The following PDE4B variants were observed in gnomAD, a reference collection of about 807,000 sequenced individuals.
PDE4B encodes 3',5'-cyclic-AMP phosphodiesterase 4B.
PDE4B carries 20 observed loss-of-function variants against 82.2 expected under a neutral mutation model. That is an observed-to-expected ratio of 0.24 (90% CI 0.17 to 0.35). The LOEUF is 0.35. Ranked by LOEUF, PDE4B falls within the 10% of genes least tolerant of loss-of-function variation. The pLI, the probability that PDE4B is intolerant of heterozygous loss-of-function variation, is 1.00. For synonymous variants in PDE4B, 320 were observed against 318.9 expected, an observed-to-expected ratio of 1.00 and a Z score of -0.04; for missense variants, 655 against 907.2, an observed-to-expected ratio of 0.72 and a Z score of 3.57.
chr1:66,270,781 AAAAGAAAAAGG>A (rs1655419856), intron 7 of PDE4B, among the ~76,000 whole-genome samples: 1 of 152,260 alleles, frequency 6.6e-6, no homozygotes, highest in Admixed American at 6.5e-5. Flanking sequence ...ATTATAAGAA[AAAAGAAAAAGG>A]AAAGAAAAGA....
intron 3 of PDE4B, among the ~76,000 whole-genome samples, chr1:66,246,567 A>T (rs1201709157): frequency 6.6e-6 from 1 of 152,188 alleles, no homozygotes; most frequent in Non-Finnish European, 1.5e-5. Flanking sequence ...TGCAGGAAAA[A>T]ATGCATATGT....
chr1:65,958,702 C>T (rs1371611290), intron 3 of PDE4B, among the ~76,000 whole-genome samples: 1 of 151,766 alleles, frequency 6.6e-6, no homozygotes, highest in Non-Finnish European at 1.5e-5. Flanking sequence ...TCCATTTTGA[C>T]TAAGTTTTTT....
At chr1:66,257,924 A>G (rs1023999519) in intron 6 of PDE4B, 61 bp downstream of exon 6, 1 of 1,102,280 alleles carries the variant, frequency 9.1e-7, no homozygotes, top group Non-Finnish European at 1.4e-6. Context: ...AATATTGAGC[A>G]GCATTTAAAA....
chr1:66,308,934 A>G (rs1310405986), intron 7 of PDE4B, among the ~76,000 whole-genome samples: 1 of 152,202 alleles, frequency 6.6e-6, no homozygotes, highest in Non-Finnish European at 1.5e-5. Flanking sequence ...CTATAGTACT[A>G]CAAACAGCCT....
chr1:66,107,352 T>G (rs1645386033), intron 3 of PDE4B, among the ~76,000 whole-genome samples: 1 of 152,042 alleles, frequency 6.6e-6, no homozygotes, highest in East Asian at 1.9e-4. Flanking sequence ...AGTGCACACC[T>G]GAATTGAGAA....
chr1:66,098,137 A>G (rs574260641), intron 3 of PDE4B, among the ~76,000 whole-genome samples: 2 of 152,218 alleles, frequency 1.3e-5, no homozygotes, highest in Non-Finnish European at 2.9e-5. Context: ...TTTCTTCAGC[A>G]TTGGGTAGTT....
At chr1:65,821,783 G>C (rs1230420773) in intron 1 of PDE4B, among the ~76,000 whole-genome samples, 1 of 152,166 alleles carries the variant, frequency 6.6e-6, no homozygotes, top group Non-Finnish European at 1.5e-5. Context: ...AGAATCAACT[G>C]TAGAGTCTTT....
intron 4 of PDE4B, among the ~76,000 whole-genome samples, chr1:66,255,312 T>C (rs1483686931): frequency 1.3e-5 from 2 of 152,116 alleles, no homozygotes; most frequent in Non-Finnish European, 1.5e-5. Flanking sequence ...GGTCTCAAAC[T>C]CCCAACCTCA....
intron 1 of PDE4B, among the ~76,000 whole-genome samples, chr1:65,820,111 A>G (rs941515824): frequency 6.6e-6 from 1 of 152,220 alleles, no homozygotes; most frequent in African/African-American, 2.4e-5. Flanking sequence ...AACAGTATAT[A>G]TCTTTCAGAG....
chr1:66,104,846 G>A (rs1233037929), intron 3 of PDE4B, among the ~76,000 whole-genome samples: 8 of 147,120 alleles, frequency 5.4e-5, no homozygotes, highest in Non-Finnish European at 7.5e-5. Context: ...TTAGCCCTTT[G>A]TCAGATGAGT....
intron 3 of PDE4B, among the ~76,000 whole-genome samples, chr1:66,149,430 A>C (rs1646347301): frequency 6.6e-6 from 1 of 152,212 alleles, no homozygotes; most frequent in African/African-American, 2.4e-5. Context: ...CCTTGATATT[A>C]TCATTTGTAG....
chr1:65,924,421 TA>T (rs747545314), intron 3 of PDE4B, among the ~76,000 whole-genome samples: 3 of 152,168 alleles, frequency 2.0e-5, no homozygotes, highest in Non-Finnish European at 4.4e-5. Context: ...AAACCTATTA[TA>T]TTTTTTTAAT....
At chr1:66,090,751 G>A (rs924169871) in intron 3 of PDE4B, among the ~76,000 whole-genome samples, 1 of 105,516 alleles carries the variant, frequency 9.5e-6, no homozygotes, top group Non-Finnish European at 2.0e-5. Flanking sequence ...ACATATATAT[G>A]TATGTATACA....
At chr1:66,244,162 A>G (rs531769954) in intron 3 of PDE4B, among the ~76,000 whole-genome samples, 5 of 152,374 alleles carry the variant, frequency 3.3e-5, no homozygotes, top group Admixed American at 6.5e-5. Flanking sequence ...GAAGCAGCTC[A>G]TGGAAAATGC....
chr1:66,096,991 T>G (rs775700282), intron 3 of PDE4B, among the ~76,000 whole-genome samples: 26 of 152,034 alleles, frequency 1.7e-4, no homozygotes, highest in Non-Finnish European at 3.1e-4. Flanking sequence ...ATAATTTATT[T>G]ATGTACTTCT....
intron 3 of PDE4B, among the ~76,000 whole-genome samples, chr1:65,963,292 G>A (rs1007890516): frequency 6.6e-6 from 1 of 152,142 alleles, no homozygotes; most frequent in Non-Finnish European, 1.5e-5. Context: ...CAGGCAGTGG[G>A]AGGCCTGCCT....
intron 1 of PDE4B, among the ~76,000 whole-genome samples, chr1:65,808,588 C>T (rs1460520829): frequency 6.6e-6 from 1 of 152,184 alleles, no homozygotes; most frequent in African/African-American, 2.4e-5. Flanking sequence ...GGGCTGAGAT[C>T]ACACTGTGAA....
chr1:65,982,354 A>G (rs1650733039), intron 3 of PDE4B, among the ~76,000 whole-genome samples: 1 of 152,214 alleles, frequency 6.6e-6, no homozygotes, highest in African/African-American at 2.4e-5. Flanking sequence ...TACTGTTTAT[A>G]GTAAACTGTG....
At chr1:66,024,314 T>A (rs1320166098) in intron 3 of PDE4B, among the ~76,000 whole-genome samples, 4 of 152,156 alleles carry the variant, frequency 2.6e-5, no homozygotes, top group Admixed American at 1.3e-4. Flanking sequence ...ACCTTAGAGT[T>A]GGAAGTGCTT....
Sources: gnomAD v4.1 joint callset for allele counts (sites outside exome capture counted in the v4.1 genomes callset) on GRCh38, gnomAD v4.1.1 for gene constraint, MANE v1.5 for transcripts, NCBI Gene and HGNC (gene_info 2026-07-23, HGNC 2026-07-21) for gene names.